RPS6KC1: variants seen among roughly 807,000 people sequenced by gnomAD.
RPS6KC1 encodes ribosomal protein S6 kinase C1, also known as inactive ribosomal protein S6 kinase delta-1.
RPS6KC1 carries 54 observed loss-of-function variants against 103.8 expected under a neutral mutation model. The ratio of observed to expected loss-of-function variants is 0.52; its 90% CI spans 0.42 to 0.65. RPS6KC1 has a LOEUF of 0.65. Among genes scored for constraint, RPS6KC1 ranks in the 30% least tolerant of loss-of-function variants. RPS6KC1 has a pLI of 0.00. For synonymous variants in RPS6KC1, 439 were observed against 438.7 expected (o/e 1.00, Z -0.01); for missense variants, 1,151 against 1,253.8 (o/e 0.92, Z 1.24).
chr1:213,174,829 TA>T (rs2091757909), intron 7 of RPS6KC1, among the ~76,000 whole-genome samples: 1 of 152,140 alleles, frequency 6.6e-6, no homozygotes, highest in Non-Finnish European at 1.5e-5. Flanking sequence ...TTTTTTATGG[TA>T]CCTAGCTCAG....
the RPS6KC1 span, among the ~76,000 whole-genome samples, chr1:213,518,031 A>G: frequency 1.3e-5 from 2 of 152,144 alleles, no homozygotes; most frequent in Non-Finnish European, 2.9e-5. Context: ...AGTCTGTTTT[A>G]TCAGAGACTA....
chr1:213,848,097 C>T, the RPS6KC1 span, among the ~76,000 whole-genome samples: 2 of 151,964 alleles, frequency 1.3e-5, no homozygotes, highest in East Asian at 3.9e-4. Context: ...ATTGGGTAGA[C>T]CTCATTAAGG....
the RPS6KC1 span, among the ~76,000 whole-genome samples, chr1:213,831,740 G>T: frequency 6.6e-6 from 1 of 152,064 alleles, no homozygotes; most frequent in Non-Finnish European, 1.5e-5. Flanking sequence ...GAAATCATAA[G>T]CTATCTTCAT....
At chr1:213,778,966 G>A in the RPS6KC1 span, among the ~76,000 whole-genome samples, 46 of 152,038 alleles carry the variant, frequency 3.0e-4, no homozygotes, top group Admixed American at 2.9e-3. Flanking sequence ...GCACACCAAT[G>A]TTTATTTGGG....
chr1:213,576,768 A>C, the RPS6KC1 span, among the ~76,000 whole-genome samples: 1 of 152,196 alleles, frequency 6.6e-6, no homozygotes. Flanking sequence ...TTAAATCAAA[A>C]GCTAGAAATG....
the RPS6KC1 span, among the ~76,000 whole-genome samples, chr1:213,466,541 G>A: frequency 1.3e-5 from 2 of 152,188 alleles, no homozygotes; most frequent in East Asian, 1.9e-4. Context: ...GCAAAGAGAA[G>A]GAGGGGATGA....
chr1:213,720,337 C>G, the RPS6KC1 span, among the ~76,000 whole-genome samples: 1 of 152,188 alleles, frequency 6.6e-6, no homozygotes, highest in Admixed American at 6.5e-5. Context: ...CCTGGAGGCT[C>G]TTCACAAATT....
At chr1:213,686,281 G>A in the RPS6KC1 span, among the ~76,000 whole-genome samples, 5 of 152,188 alleles carry the variant, frequency 3.3e-5, no homozygotes, top group Admixed American at 6.5e-5. Context: ...TGGAGAATGC[G>A]TGGTGGCCTT....
the RPS6KC1 span, among the ~76,000 whole-genome samples, chr1:213,833,388 C>T: frequency 7.2e-5 from 11 of 152,210 alleles, no homozygotes; most frequent in Admixed American, 7.2e-4. Flanking sequence ...CCTAGGAAAG[C>T]AAAAATCATT....
At position 213,116,786 on chromosome 1, in the gene RPS6KC1, G is replaced by A. The variant is rs533014519; in HGVS notation, c.379-531G>A. ...CTCTCAGCATTTGCTTGTCTGTAAAGTATTTTATTTCTCCTTCACTTATGA... is the reference window on the plus strand; with the variant it reads ...CTCTCAGCATTTGCTTGTCTGTAAAATATTTTATTTCTCCTTCACTTATGA... On this transcript the variant is annotated intron_variant, in intron 4 of 14. Coordinates refer to ENST00000366960, the MANE Select transcript of RPS6KC1 (RefSeq NM_012424.6). 9.2e-5 allele frequency among the ~76,000 whole-genome samples: 14 copies of A among 151,892 alleles called. No homozygotes were observed. In the East Asian group the frequency reaches 2.7e-3, roughly 30 times the overall value.
chr1:213,688,687 T>C, the RPS6KC1 span, among the ~76,000 whole-genome samples: 83 of 152,344 alleles, frequency 5.4e-4, 1 homozygote, highest in Non-Finnish European at 1.1e-3. Context: ...TCCCTCTGTC[T>C]TGTTCTTAAA....
At chr1:213,103,829 A>G (rs896485956) in intron 3 of RPS6KC1, among the ~76,000 whole-genome samples, 5 of 152,234 alleles carry the variant, frequency 3.3e-5, no homozygotes, top group Non-Finnish European at 5.9e-5. Context: ...TTCAAATTTT[A>G]TGTATCATTT....
At chr1:213,089,411 G>T (rs1450964908) in intron 3 of RPS6KC1, among the ~76,000 whole-genome samples, 4 of 149,216 alleles carry the variant, frequency 2.7e-5, no homozygotes, top group African/African-American at 9.8e-5. Flanking sequence ...AGATGTATGT[G>T]TGTGCCCTTT....
chr1:213,482,793 C>T, the RPS6KC1 span, among the ~76,000 whole-genome samples: 12 of 151,874 alleles, frequency 7.9e-5, no homozygotes, highest in East Asian at 3.9e-4. Flanking sequence ...GTGATCTGCC[C>T]GCCTCGGCCT....
intron 3 of RPS6KC1, among the ~76,000 whole-genome samples, chr1:213,080,466 T>C (rs1366101761): frequency 1.3e-5 from 2 of 152,236 alleles, no homozygotes; most frequent in Non-Finnish European, 2.9e-5. Flanking sequence ...GTGCTTATAG[T>C]TTAACATTTG....
intron 13 of RPS6KC1, among the ~76,000 whole-genome samples, chr1:213,262,388 A>G (rs1462359601): frequency 6.6e-6 from 1 of 152,194 alleles, no homozygotes; most frequent in Non-Finnish European, 1.5e-5. Flanking sequence ...GGTTTTTAAA[A>G]CATTAAAACA....
the RPS6KC1 span, among the ~76,000 whole-genome samples, chr1:213,587,169 G>A: frequency 6.6e-6 from 1 of 152,186 alleles, no homozygotes; most frequent in Non-Finnish European, 1.5e-5. Flanking sequence ...GCCCGAAGCA[G>A]GCATGGAAGT....
At chr1:213,338,251 C>G in the RPS6KC1 span, among the ~76,000 whole-genome samples, 1 of 152,178 alleles carries the variant, frequency 6.6e-6, no homozygotes, top group South Asian at 2.1e-4. Context: ...TTCACTCCCC[C>G]TTATGTGATT....
At chr1:213,501,745 AAG>A in the RPS6KC1 span, among the ~76,000 whole-genome samples, 1 of 151,936 alleles carries the variant, frequency 6.6e-6, no homozygotes, top group East Asian at 1.9e-4. Flanking sequence ...AAAAAAAAAA[AAG>A]AAAAAAAAGA....
Sources: gnomAD v4.1 joint callset for allele counts (sites outside exome capture counted in the v4.1 genomes callset) on GRCh38, gnomAD v4.1.1 for gene constraint, MANE v1.5 for transcripts, NCBI Gene and HGNC (gene_info 2026-07-23, HGNC 2026-07-21) for gene names.